PRKAR2A: variants seen among roughly 807,000 people sequenced by gnomAD.
PRKAR2A encodes the protein cAMP-dependent protein kinase type II-alpha regulatory subunit.
Under a neutral mutation model 51.9 loss-of-function variants are expected in PRKAR2A, and 29 were observed. The observed-to-expected ratio is 0.56, with a 90% confidence interval of 0.42 to 0.76. PRKAR2A has a LOEUF of 0.76. PRKAR2A is among the 30% of genes least tolerant of loss of function. PRKAR2A has a pLI of 0.00. For missense variants in PRKAR2A, 445 were observed against 512.1 expected (o/e 0.87, Z 1.26); for synonymous variants, 178 against 186.2 (o/e 0.96, Z 0.36).
intron 1 of PRKAR2A, among the ~76,000 whole-genome samples, chr3:48,810,052 T>C (rs947840011): frequency 1.3e-5 from 2 of 152,150 alleles, no homozygotes; most frequent in Non-Finnish European, 1.5e-5. Context: ...CCTCCAAACC[T>C]TTTTTCCCAT....
chr3:48,762,321 C>A (rs2081875939), intron 8 of PRKAR2A, among the ~76,000 whole-genome samples: 1 of 152,184 alleles, frequency 6.6e-6, no homozygotes, highest in African/African-American at 2.4e-5. Flanking sequence ...AATTTTCATA[C>A]ATGGCTGGTA....
At chr3:48,767,829 C>T (rs539493004) in intron 6 of PRKAR2A, among the ~76,000 whole-genome samples, 1 of 151,612 alleles carries the variant, frequency 6.6e-6, no homozygotes, top group African/African-American at 2.4e-5. Flanking sequence ...GAGGCTGAGA[C>T]AGGAGAATCG....
chr3:48,752,438 A>G, intron 9 of PRKAR2A, 121 bp from the exon 10 acceptor site: 1 of 1,108,604 alleles, frequency 9.0e-7, no homozygotes, highest in Non-Finnish European at 1.3e-6. Context: ...TTCACTTTGC[A>G]GAAAATTCAC....
At chr3:48,758,825 A>G (rs974759395) in intron 8 of PRKAR2A, among the ~76,000 whole-genome samples, 1 of 152,090 alleles carries the variant, frequency 6.6e-6, no homozygotes, top group African/African-American at 2.4e-5. Context: ...TTACTATCCA[A>G]TTTTGTGGAT....
At chr3:48,789,935 TTCTC>T (rs993641003) in intron 4 of PRKAR2A, among the ~76,000 whole-genome samples, 29 of 152,142 alleles carry the variant, frequency 1.9e-4, no homozygotes, top group African/African-American at 5.5e-4. Context: ...TTTCTTTCTT[TTCTC>T]TCTCTCTTTC....
At chr3:48,768,294 A>AAGATAGATAGATAGATAGAT (rs561041221) in intron 6 of PRKAR2A, among the ~76,000 whole-genome samples, 3 of 140,100 alleles carry the variant, frequency 2.1e-5, no homozygotes, top group African/African-American at 8.1e-5. Context: ...ACCGTCTCAA[A>AAGATAGATAGATAGATAGAT]AGATAGATAG....
chr3:48,847,259 C>T lies in PRKAR2A; in HGVS notation c.262+76G>A. On this transcript the variant is annotated intron_variant, in intron 1 of 10. Transcript: ENST00000265563. This position sits in a 1 kb window ranked among gnomAD's most constrained non-coding sequence, Gnocchi z 4.4. ...TGCGGTCGGCTTGGCTGCGGCGCGA[C>T]ACCTGGCTCCCTGCCACCCCTCTAG... 6.6e-7 allele frequency: 1 copy of T among 1,523,052 alleles called. No homozygotes were observed. The highest frequency in any genetic ancestry group is 8.9e-7 in the Non-Finnish European group (1 of 1,128,462). The allele number at this position is 1,523,052 out of a possible 1,614,324, so 94.3% of individuals were successfully genotyped here.
chr3:48,777,389 T>A (rs1446272516), intron 5 of PRKAR2A, among the ~76,000 whole-genome samples: 1 of 152,112 alleles, frequency 6.6e-6, no homozygotes, highest in Non-Finnish European at 1.5e-5. Flanking sequence ...TATGCCTAAA[T>A]TAATTTCTAT....
chr3:48,796,395 T>C (rs2082491460), intron 2 of PRKAR2A, among the ~76,000 whole-genome samples: 2 of 152,170 alleles, frequency 1.3e-5, no homozygotes, highest in South Asian at 4.1e-4. Context: ...GTTGGTTCTG[T>C]TCTCTATTTC....
intron 5 of PRKAR2A, among the ~76,000 whole-genome samples, chr3:48,781,847 C>T (rs540715677): frequency 3.2e-4 from 48 of 151,714 alleles, no homozygotes; most frequent in Non-Finnish European, 5.2e-4. Flanking sequence ...AGTTTCACCA[C>T]GTTGGCCAGG....
At position 48,847,826 on chromosome 3, in the gene PRKAR2A, G is replaced by A. The variant is rs1575972811; in HGVS notation, c.-230C>T. On this transcript the variant is annotated 5_prime_UTR_variant, in exon 1 of 11. Transcript: ENST00000265563. This position sits in a 1 kb window ranked among gnomAD's most constrained non-coding sequence, Gnocchi z 4.4. ...CACTGGGCAGCCGCCGCCGCCGCGG[G>A]GACCGACGGGCAGGCGAGCTGGACG... is the stretch of plus-strand genomic sequence containing the variant. 3 of 387,482 alleles carry A rather than the reference G, an allele frequency of 7.7e-6. No homozygotes were observed. Among genetic ancestry groups the A allele is most frequent in the South Asian group, 2.3e-4 (2 of 8,876 alleles). The allele number at this position is 387,482 out of a possible 1,614,324, so 24.0% of individuals were successfully genotyped here.
downstream of PRKAR2A, among the ~76,000 whole-genome samples, chr3:48,744,936 G>A (rs546795599): frequency 4.0e-5 from 6 of 150,844 alleles, no homozygotes; most frequent in African/African-American, 7.3e-5. Flanking sequence ...GTGCAGTGGC[G>A]CAATCTTGGT....
At chr3:48,762,916 A>G (rs1307013538) in intron 8 of PRKAR2A, among the ~76,000 whole-genome samples, 1 of 152,212 alleles carries the variant, frequency 6.6e-6, no homozygotes, top group Non-Finnish European at 1.5e-5. Flanking sequence ...TTTCATTTAT[A>G]CTAAATTGTA....
intron 3 of PRKAR2A, among the ~76,000 whole-genome samples, chr3:48,791,993 T>C (rs551664228): frequency 1.3e-5 from 2 of 149,590 alleles, no homozygotes; most frequent in African/African-American, 4.9e-5. Flanking sequence ...TTCACAGTCA[T>C]CAATAATTTT....
rs546185955 is a variant in PRKAR2A at position 48,799,222 on chromosome 3, T to C, written c.299-5173A>G. On this transcript the variant is annotated intron_variant, in intron 2 of 10. Transcript: ENST00000265563. ...ACCTCAAACATTATATTGTGTGTCA[T>C]GAAATACTCAAGACCTACAGGAAAT... Among the ~76,000 whole-genome samples the C allele has an allele frequency of 5.3e-5, 8 of 152,286 alleles. No individual in the cohort carries two copies. The East Asian group carries it at 1.4e-3, about 26-fold the overall frequency.
chr3:48,765,724 C>CAAA (rs756566818), intron 6 of PRKAR2A, among the ~76,000 whole-genome samples: 903 of 45,146 alleles, frequency 0.02, 114 homozygotes, highest in South Asian at 0.027. Flanking sequence ...ACCCTCATTT[C>CAAA]AAAAAAAAAA....
intron 5 of PRKAR2A, among the ~76,000 whole-genome samples, chr3:48,777,019 A>G (rs1157903472): frequency 2.0e-5 from 3 of 152,136 alleles, no homozygotes; most frequent in Admixed American, 1.3e-4. Flanking sequence ...CTTCTGCCCC[A>G]TATCTGGGCA....
At chr3:48,830,782 C>G (rs1347541510) in intron 1 of PRKAR2A, among the ~76,000 whole-genome samples, 1 of 152,164 alleles carries the variant, frequency 6.6e-6, no homozygotes, top group Non-Finnish European at 1.5e-5. Flanking sequence ...ACTGGACAGT[C>G]CTTCAACTAG....
chr3:48,751,901 G>A lies in PRKAR2A; in HGVS notation c.1082-183C>T, dbSNP rs1263894488. Among the ~76,000 whole-genome samples, 4 of 152,170 alleles carry A rather than the reference G, an allele frequency of 2.6e-5. No individual in the cohort carries two copies. In the East Asian group the frequency reaches 5.8e-4, roughly 22 times the overall value. On this transcript the variant is annotated intron_variant, in intron 10 of 10. Transcript: ENST00000265563. ...TCATCCAGGTTAGAGACTTTACAGAGTCCAGCAGCTCCTGTTCTCCCCATT... is the reference window on the plus strand; with the variant it reads ...TCATCCAGGTTAGAGACTTTACAGAATCCAGCAGCTCCTGTTCTCCCCATT...
Sources: allele counts gnomAD v4.1 joint callset (sites outside exome capture counted in the v4.1 genomes callset), GRCh38; gene constraint gnomAD v4.1.1; non-coding constraint Gnocchi (gnomAD v3.1); transcripts MANE v1.5; gene names NCBI Gene and HGNC (gene_info 2026-07-23, HGNC 2026-07-21).